The following RORB variants were observed in gnomAD, a reference collection of about 807,000 sequenced individuals.
RORB encodes RAR related orphan receptor B, also known as nuclear receptor ROR-beta.
RORB carries 6 observed loss-of-function variants against 59.1 expected under a neutral mutation model. That is an observed-to-expected ratio of 0.10 (90% CI 0.06 to 0.20). The LOEUF (loss-of-function observed/expected upper bound fraction) is 0.20. Among genes scored for constraint, RORB ranks in the 10% least tolerant of loss-of-function variants. The pLI is 1.00. For synonymous variants in RORB, 215 were observed against 204.5 expected, an observed-to-expected ratio of 1.05 and a Z score of -0.44; for missense variants, 320 against 560.5, an observed-to-expected ratio of 0.57 and a Z score of 4.33.
chr9:74,511,831 C>T (rs376543435), intron 1 of RORB, among the ~76,000 whole-genome samples: 1 of 150,754 alleles, frequency 6.6e-6, no homozygotes, highest in East Asian at 1.9e-4. Flanking sequence ...CAACATTTAT[C>T]AAGGATCTAT....
At chr9:74,561,229 A>T (rs1822392856) in intron 1 of RORB, among the ~76,000 whole-genome samples, 1 of 152,132 alleles carries the variant, frequency 6.6e-6, no homozygotes, top group South Asian at 2.1e-4. Flanking sequence ...ATTTCAGCTC[A>T]TTAAATAATC....
intron 1 of RORB, among the ~76,000 whole-genome samples, chr9:74,553,848 C>A (rs182088540): frequency 2.6e-5 from 4 of 152,232 alleles, no homozygotes; most frequent in African/African-American, 9.6e-5. Context: ...GTTTTCTTGA[C>A]CCAGGCGTAA....
chr9:74,630,245 C>CTTCTG (rs756433225), intron 1 of RORB, 37 bp from the exon 2 acceptor site: 1 of 1,608,072 alleles, frequency 6.2e-7, no homozygotes, highest in Non-Finnish European at 8.5e-7. Context: ...AGAAAGAAAA[C>CTTCTG]ATCTGTATGC....
intron 4 of RORB, among the ~76,000 whole-genome samples, chr9:74,658,110 G>A (rs758931834): frequency 6.6e-6 from 1 of 151,720 alleles, no homozygotes; most frequent in African/African-American, 2.4e-5. Context: ...AAAATATTTG[G>A]TGAATGAATA....
intron 1 of RORB, among the ~76,000 whole-genome samples, chr9:74,588,113 A>G (rs1278199552): frequency 1.3e-5 from 2 of 152,156 alleles, no homozygotes; most frequent in Non-Finnish European, 2.9e-5. Flanking sequence ...AATTTTCAAA[A>G]TATTTAATAA....
intron 1 of RORB, among the ~76,000 whole-genome samples, chr9:74,597,167 G>C (rs10114460): frequency 0.15 from 22,584 of 152,168 alleles, 1,728 homozygotes; most frequent in Admixed American, 0.2. Context: ...AGGAGACTAC[G>C]TTTTGAGAAT....
intron 8 of RORB, among the ~76,000 whole-genome samples, chr9:74,670,662 T>C (rs890292871): frequency 2.0e-5 from 3 of 152,208 alleles, no homozygotes; most frequent in African/African-American, 7.2e-5. Flanking sequence ...TAGTGCCATA[T>C]TCAAAAAGAT....
intron 1 of RORB, among the ~76,000 whole-genome samples, chr9:74,537,903 C>T (rs868589735): frequency 6.6e-6 from 1 of 151,976 alleles, no homozygotes; most frequent in East Asian, 1.9e-4. Context: ...AGGAAGTCTA[C>T]GGTAGTATAC....
chr9:74,589,307 C>G lies in RORB; in HGVS notation c.8-40975C>G, dbSNP rs571801135. On this transcript the variant is annotated intron_variant, in intron 1 of 9. Coordinates refer to ENST00000376896, the MANE Select transcript of RORB (RefSeq NM_006914.4). ...AGAACAAAAAACTTTAAGTGTGTTC[C>G]TGTGTCTTTCTATTTCTTCCATTCC... Among the ~76,000 whole-genome samples the G allele has an allele frequency of 2.0e-5, 3 of 152,262 alleles. No individual in the cohort carries two copies. In the East Asian group the frequency reaches 5.8e-4, roughly 29 times the overall value.
chr9:74,545,048 G>A (rs1411024195), intron 1 of RORB, among the ~76,000 whole-genome samples: 3 of 151,618 alleles, frequency 2.0e-5, no homozygotes, highest in African/African-American at 2.4e-5. Flanking sequence ...AAATTGCTAT[G>A]TACTACAGAA....
intron 4 of RORB, among the ~76,000 whole-genome samples, chr9:74,645,427 T>C (rs1213068059): frequency 6.6e-6 from 1 of 152,176 alleles, no homozygotes; most frequent in Non-Finnish European, 1.5e-5. Context: ...GTGCCTGCAT[T>C]TAAAACCCAA....
rs566173069 is a variant in RORB, at chr9:74,524,670, T to G, written c.7+26687T>G. 3.9e-5 allele frequency among the ~76,000 whole-genome samples: 6 copies of G among 152,064 alleles called. No individual in the cohort carries two copies. The South Asian group carries it at 1.2e-3, about 32-fold the overall frequency. On this transcript the variant is annotated intron_variant, in intron 1 of 9. Transcript: ENST00000376896. ...TTTTTTTTAACCACTATTGATTCTT[T>G]CCTTGTCGGGTAATCAAAGCTTAGA...
chr9:74,503,527 G>A (rs1215529891), intron 1 of RORB, among the ~76,000 whole-genome samples: 4 of 151,982 alleles, frequency 2.6e-5, no homozygotes, highest in Admixed American at 2.6e-4. Context: ...ATGAATACAC[G>A]TGGTACTAGA....
chr9:74,604,383 C>A (rs1260927163), intron 1 of RORB, among the ~76,000 whole-genome samples: 2 of 152,288 alleles, frequency 1.3e-5, no homozygotes, highest in African/African-American at 4.8e-5. Flanking sequence ...CATCAACTGC[C>A]TTTAGCAAAC....
chr9:74,630,459 C>A, intron 2 of RORB, 92 bp downstream of exon 2: 7 of 712,892 alleles, frequency 9.8e-6, no homozygotes, highest in Middle Eastern at 2.8e-4. Flanking sequence ...GGAAGGCTGG[C>A]TAAAGGATCC....
At chr9:74,591,943 T>C (rs944962093) in intron 1 of RORB, among the ~76,000 whole-genome samples, 2 of 150,866 alleles carry the variant, frequency 1.3e-5, no homozygotes, top group Non-Finnish European at 3.0e-5. Context: ...TGTGTGAGAG[T>C]GAGAGAGAGA....
At chr9:74,662,407 C>G (rs1206377813) in intron 5 of RORB, 67 bp from the exon 6 acceptor site, 1 of 1,534,596 alleles carries the variant, frequency 6.5e-7, no homozygotes, top group African/African-American at 1.4e-5. Context: ...TAAGGCAAAC[C>G]TGAGTGTTCT....
At chr9:74,580,874 C>A (rs1411739581) in intron 1 of RORB, among the ~76,000 whole-genome samples, 2 of 152,110 alleles carry the variant, frequency 1.3e-5, no homozygotes, top group African/African-American at 4.8e-5. Context: ...ACAAAAATTT[C>A]TCTAGAAAGT....
intron 1 of RORB, among the ~76,000 whole-genome samples, chr9:74,572,971 A>G (rs1298389880): frequency 6.6e-6 from 1 of 152,178 alleles, no homozygotes; most frequent in Non-Finnish European, 1.5e-5. Context: ...ACTCTTCAGA[A>G]TCTTTTAATT....
Sources: allele counts gnomAD v4.1 joint callset (sites outside exome capture counted in the v4.1 genomes callset), GRCh38; gene constraint gnomAD v4.1.1; transcripts MANE v1.5; gene names NCBI Gene and HGNC (gene_info 2026-07-23, HGNC 2026-07-21).